The following RHOJ variants were observed in gnomAD, a reference collection of about 807,000 sequenced individuals.
RHOJ encodes the protein rho-related GTP-binding protein RhoJ.
A neutral mutation model predicts 23.4 loss-of-function variants in RHOJ; 11 were observed. That is an observed-to-expected ratio of 0.47 (90% CI 0.30 to 0.78). The LOEUF is 0.78. RHOJ is among the 30% of genes least tolerant of loss of function. The pLI, the probability that RHOJ is intolerant of heterozygous loss-of-function variation, is 0.08. For synonymous variants in RHOJ, 102 were observed against 102.7 expected (o/e 0.99, Z 0.04); for missense variants, 254 against 273.4 (o/e 0.93, Z 0.50).
At chr14:63,265,533 G>T (rs12435841) in intron 1 of RHOJ, among the ~76,000 whole-genome samples, 1 of 152,154 alleles carries the variant, frequency 6.6e-6, no homozygotes, top group African/African-American at 2.4e-5. Flanking sequence ...ATGAAATTTA[G>T]AATAGTATTT....
intron 1 of RHOJ, among the ~76,000 whole-genome samples, chr14:63,252,890 G>C (rs1358274413): frequency 6.6e-6 from 1 of 152,168 alleles, no homozygotes; most frequent in East Asian, 1.9e-4. Flanking sequence ...TGGGACTACA[G>C]GCATGAGCCT....
chr14:63,254,981 T>C (rs556753150), intron 1 of RHOJ, among the ~76,000 whole-genome samples: 1 of 152,276 alleles, frequency 6.6e-6, no homozygotes, highest in African/African-American at 2.4e-5. Flanking sequence ...TTCCCAGCCT[T>C]CTTGGCCCCC....
At chr14:63,286,226 A>G (rs8006388) in intron 4 of RHOJ, among the ~76,000 whole-genome samples, 37,533 of 152,028 alleles carry the variant, frequency 0.25, 10,245 homozygotes, top group African/African-American at 0.68. Flanking sequence ...TCACTTCACC[A>G]CTGGTGTCTG....
intron 1 of RHOJ, among the ~76,000 whole-genome samples, chr14:63,251,241 G>A (rs535241283): frequency 6.6e-6 from 1 of 152,082 alleles, no homozygotes; most frequent in Non-Finnish European, 1.5e-5. Context: ...CTAGCACCCA[G>A]CTTTGCCCCT....
chr14:63,250,033 G>C (rs533572565), intron 1 of RHOJ, among the ~76,000 whole-genome samples: 64 of 152,274 alleles, frequency 4.2e-4, no homozygotes, highest in African/African-American at 1.5e-3. Flanking sequence ...TCTCCACATG[G>C]ACAGCAAGTC....
At chr14:63,221,769 C>A (rs561358883) in intron 1 of RHOJ, among the ~76,000 whole-genome samples, 2 of 152,232 alleles carry the variant, frequency 1.3e-5, no homozygotes, top group East Asian at 3.9e-4. Context: ...ACATAATGGG[C>A]GCAGCCTGGT....
chr14:63,218,805 T>C (rs1235328007), intron 1 of RHOJ, among the ~76,000 whole-genome samples: 1 of 152,214 alleles, frequency 6.6e-6, no homozygotes, highest in Non-Finnish European at 1.5e-5. Context: ...CCACAAGTTA[T>C]CTTGGAGCCT....
chr14:63,208,972 G>A (rs952191442), intron 1 of RHOJ, among the ~76,000 whole-genome samples: 13 of 151,856 alleles, frequency 8.6e-5, no homozygotes, highest in African/African-American at 2.4e-4. Context: ...TTTTCCACCC[G>A]GTTTCTGAAA....
chr14:63,288,476 A>C (rs566023128), intron 4 of RHOJ, among the ~76,000 whole-genome samples: 1 of 152,372 alleles, frequency 6.6e-6, no homozygotes, highest in Admixed American at 6.5e-5. Flanking sequence ...GTCATTCAGA[A>C]TCATTCAGTT....
chr14:63,239,975 T>G (rs947461047), intron 1 of RHOJ, among the ~76,000 whole-genome samples: 1 of 152,184 alleles, frequency 6.6e-6, no homozygotes, highest in African/African-American at 2.4e-5. Context: ...CTATTTCTAA[T>G]CCTCAGGAGT....
chr14:63,284,240 A>C, intron 4 of RHOJ: 3 of 985,296 alleles, frequency 3.0e-6, no homozygotes, highest in Non-Finnish European at 3.6e-6. Context: ...ACTCAACTAG[A>C]AATGAATTAA....
chr14:63,235,097 AAACT>A (rs1894765211), intron 1 of RHOJ, among the ~76,000 whole-genome samples: 1 of 152,038 alleles, frequency 6.6e-6, no homozygotes, highest in African/African-American at 2.4e-5. Flanking sequence ...CTAATATGCC[AAACT>A]AAGTTCTCGG....
At chr14:63,240,950 GC>G (rs1468645776) in intron 1 of RHOJ, among the ~76,000 whole-genome samples, 7 of 152,158 alleles carry the variant, frequency 4.6e-5, no homozygotes, top group Admixed American at 4.6e-4. Context: ...AGTATTTAAA[GC>G]TTTTGGTTTC....
chr14:63,281,388 C>A (rs1035878726), intron 3 of RHOJ, among the ~76,000 whole-genome samples: 39 of 151,518 alleles, frequency 2.6e-4, no homozygotes, highest in African/African-American at 9.0e-4. Flanking sequence ...TTTTAAATAA[C>A]AAAGTAATTT....
Position 63,269,098 on chromosome 14 carries a change from C to T in RHOJ, c.179-12C>T. The T allele has an allele frequency of 3.1e-6, 5 of 1,604,936 alleles. No homozygotes were observed. The highest frequency in any genetic ancestry group is 2.6e-6 in the Non-Finnish European group (3 of 1,172,044). On this transcript the variant is annotated splice_polypyrimidine_tract_variant and intron_variant, in intron 1 of 4. Coordinates refer to ENST00000316754, the MANE Select transcript of RHOJ (RefSeq NM_020663.5). ...GGACTCTCCTCTTCTTTTCTTTTCT[C>T]TTCTCCCCTAGTTACTGTGACTGTG...
At chr14:63,287,826 C>A (rs1336021587) in intron 4 of RHOJ, among the ~76,000 whole-genome samples, 1 of 152,134 alleles carries the variant, frequency 6.6e-6, no homozygotes, top group Non-Finnish European at 1.5e-5. Flanking sequence ...CTGAACCCTC[C>A]CAGATGGCTT....
intron 1 of RHOJ, among the ~76,000 whole-genome samples, chr14:63,221,846 T>TA (rs1366787273): frequency 1.3e-5 from 2 of 152,114 alleles, no homozygotes; most frequent in Admixed American, 1.3e-4. Flanking sequence ...TTTAATACTT[T>TA]AAGTTCTAGG....
chr14:63,208,722 CT>C (rs1894167725), intron 1 of RHOJ, among the ~76,000 whole-genome samples: 1 of 152,174 alleles, frequency 6.6e-6, no homozygotes, highest in Non-Finnish European at 1.5e-5. Flanking sequence ...GGGTCCTCTT[CT>C]TTATTTACAC....
chr14:63,215,893 G>A (rs989523090), intron 1 of RHOJ, among the ~76,000 whole-genome samples: 4 of 151,976 alleles, frequency 2.6e-5, no homozygotes, highest in African/African-American at 9.7e-5. Context: ...ATAGCCACCC[G>A]GAACTGTTTG....
Sources: allele counts gnomAD v4.1 joint callset (sites outside exome capture counted in the v4.1 genomes callset), GRCh38; gene constraint gnomAD v4.1.1; transcripts MANE v1.5; gene names NCBI Gene and HGNC (gene_info 2026-07-23, HGNC 2026-07-21).